Variants in GALNT13 observed in about 807,000 individuals in gnomAD.
The protein encoded by GALNT13 is polypeptide N-acetylgalactosaminyltransferase 13, also known as UDP-GalNAc:polypeptide N-acetylgalactosaminyltransferase 13.
GALNT13 carries 28 observed loss-of-function variants against 64.2 expected under a neutral mutation model. The observed-to-expected ratio is 0.44, with a 90% confidence interval of 0.32 to 0.60. GALNT13 has a LOEUF of 0.60. Ranked by LOEUF, GALNT13 falls within the 20% of genes least tolerant of loss-of-function variation. The pLI is 0.05. For synonymous variants in GALNT13, 214 were observed against 224.6 expected, an observed-to-expected ratio of 0.95 and a Z score of 0.42; for missense variants, 577 against 669.8, an observed-to-expected ratio of 0.86 and a Z score of 1.53.
At chr2:153,645,276 C>T in the GALNT13 span, among the ~76,000 whole-genome samples, 14 of 151,982 alleles carry the variant, frequency 9.2e-5, no homozygotes, top group African/African-American at 3.1e-4. Flanking sequence ...AATTTAACGA[C>T]CTTTTAAATG....
At chr2:153,214,195 A>C in the GALNT13 span, among the ~76,000 whole-genome samples, 1 of 152,174 alleles carries the variant, frequency 6.6e-6, no homozygotes, top group South Asian at 2.1e-4. Flanking sequence ...CTGGGTAATG[A>C]AATGCCCCAC....
the GALNT13 span, among the ~76,000 whole-genome samples, chr2:153,730,058 A>G: frequency 6.6e-6 from 1 of 151,942 alleles, no homozygotes; most frequent in Non-Finnish European, 1.5e-5. Flanking sequence ...CAAATTACCA[A>G]TGTCATTTTT....
intron 3 of GALNT13, among the ~76,000 whole-genome samples, chr2:154,018,553 A>G (rs1438987416): frequency 6.6e-6 from 1 of 152,074 alleles, no homozygotes; most frequent in East Asian, 1.9e-4. Context: ...AGAAGATAAG[A>G]GGATGGGGGA....
intron 3 of GALNT13, among the ~76,000 whole-genome samples, chr2:153,954,992 TAA>T (rs556678475): frequency 5.0e-5 from 7 of 140,320 alleles, no homozygotes; most frequent in East Asian, 2.0e-4. Context: ...TGACTTCGGG[TAA>T]AAAAAAAAAA....
chr2:154,275,267 G>A (rs1243523732), intron 8 of GALNT13, among the ~76,000 whole-genome samples: 1 of 152,088 alleles, frequency 6.6e-6, no homozygotes, highest in African/African-American at 2.4e-5. Context: ...AGACAATGGG[G>A]AAAAGGTTTC....
chr2:153,493,809 C>T, the GALNT13 span, among the ~76,000 whole-genome samples: 1 of 151,620 alleles, frequency 6.6e-6, no homozygotes, highest in African/African-American at 2.4e-5. Context: ...GGGTTTATCC[C>T]AGTAATTCAA....
the GALNT13 span, among the ~76,000 whole-genome samples, chr2:153,095,003 A>G: frequency 6.6e-6 from 1 of 152,196 alleles, no homozygotes; most frequent in South Asian, 2.1e-4. Flanking sequence ...CTAAAACACC[A>G]AAAGCAATGG....
chr2:153,658,702 G>A, the GALNT13 span, among the ~76,000 whole-genome samples: 7 of 151,782 alleles, frequency 4.6e-5, no homozygotes. Flanking sequence ...CAAGTCATTT[G>A]GAGATTACAT....
chr2:153,406,001 A>G, the GALNT13 span, among the ~76,000 whole-genome samples: 1 of 152,218 alleles, frequency 6.6e-6, no homozygotes, highest in African/African-American at 2.4e-5. Flanking sequence ...CAAAAGTAGT[A>G]CTTCCCTCCC....
chr2:153,953,209 A>G (rs1007450628), intron 3 of GALNT13, among the ~76,000 whole-genome samples: 2 of 152,144 alleles, frequency 1.3e-5, no homozygotes, highest in Admixed American at 6.5e-5. Context: ...CTTATTCTGA[A>G]CCTTAAACAT....
chr2:153,240,363 T>G, the GALNT13 span, among the ~76,000 whole-genome samples: 1 of 152,218 alleles, frequency 6.6e-6, no homozygotes, highest in South Asian at 2.1e-4. Context: ...CCTGTCTTAA[T>G]AAGTTGGCTT....
chr2:154,191,722 A>T lies in GALNT13; in HGVS notation c.312-50308A>T, dbSNP rs147925474. 1.1e-3 allele frequency among the ~76,000 whole-genome samples: 171 copies of T among 152,192 alleles called. 5 individuals carry two copies. In the East Asian group the frequency reaches 0.03, roughly 27 times the overall value. On this transcript the variant is annotated intron_variant, in intron 4 of 12. Transcript: ENST00000392825. ...GCTTCTTCGGTGCCCCACCACTCAA[A>T]ACCCCTTGGGAGAGCAGGCAGATGG...
chr2:153,840,807 GTTGCTCA>G, the GALNT13 span, among the ~76,000 whole-genome samples: 1 of 152,132 alleles, frequency 6.6e-6, no homozygotes, highest in Non-Finnish European at 1.5e-5. Flanking sequence ...TCCCGCTAAT[GTTGCTCA>G]TTGGACAAAC....
At chr2:153,588,080 G>T in the GALNT13 span, among the ~76,000 whole-genome samples, 1 of 152,230 alleles carries the variant, frequency 6.6e-6, no homozygotes, top group South Asian at 2.1e-4. Context: ...TGATGCAAAA[G>T]ATGGTTCTCA....
At chr2:153,454,860 A>G in the GALNT13 span, among the ~76,000 whole-genome samples, 2 of 152,266 alleles carry the variant, frequency 1.3e-5, no homozygotes, top group Non-Finnish European at 2.9e-5. Context: ...GATTAGTTAT[A>G]TAAATCATTC....
chr2:153,388,227 T>C, the GALNT13 span, among the ~76,000 whole-genome samples: 1 of 152,074 alleles, frequency 6.6e-6, no homozygotes, highest in Non-Finnish European at 1.5e-5. Context: ...AGCTTCACAG[T>C]CTCCAATTAA....
the GALNT13 span, among the ~76,000 whole-genome samples, chr2:153,284,728 T>G: frequency 6.6e-6 from 1 of 152,010 alleles, no homozygotes; most frequent in African/African-American, 2.4e-5. Context: ...TCATGATGGG[T>G]GTTTGCCTAC....
rs1278026984 is a variant in GALNT13 at position 154,409,231 on chromosome 2, A to C, written c.1395+149A>C. The stretch of plus-strand genomic sequence containing the variant: ...AATCTAGAACTAATTTGGCTATTTT[A>C]TTGTCCCAAGGATCTTAAAGGAGAG... On this transcript the variant is annotated intron_variant, in intron 11 of 12. Coordinates refer to ENST00000392825, the MANE Select transcript of GALNT13 (RefSeq NM_052917.4). 13 of 675,602 alleles carry C rather than the reference A, an allele frequency of 1.9e-5. 1 individual carries two copies. In the Admixed American group the frequency reaches 2.6e-4, roughly 13 times the overall value. The allele number at this position is 675,602 out of a possible 1,614,324, so 41.9% of individuals were successfully genotyped here.
intron 1 of GALNT13, among the ~76,000 whole-genome samples, chr2:153,875,710 T>C (rs1686318194): frequency 6.6e-6 from 1 of 152,188 alleles, no homozygotes; most frequent in South Asian, 2.1e-4. Flanking sequence ...TTCTGAATAA[T>C]AACAGTCGAG....
Sources: gnomAD v4.1 joint callset for allele counts (sites outside exome capture counted in the v4.1 genomes callset) on GRCh38, gnomAD v4.1.1 for gene constraint, MANE v1.5 for transcripts, NCBI Gene and HGNC (gene_info 2026-07-23, HGNC 2026-07-21) for gene names.